Variants in UNKL observed in about 807,000 individuals in gnomAD.
UNKL encodes putative E3 ubiquitin-protein ligase UNKL.
UNKL carries 60 observed loss-of-function variants against 78.0 expected under a neutral mutation model. The observed-to-expected ratio is 0.77, with a 90% CI of 0.63 to 0.95. The LOEUF is 0.95. Ranked by LOEUF, UNKL falls within the 40% of genes least tolerant of loss-of-function variation. UNKL has a pLI of 0.00. For synonymous variants in UNKL, 608 were observed against 474.8 expected (o/e 1.28, Z -3.65); for missense variants, 1,159 against 1,045.7 (o/e 1.11, Z -1.49).
Position 1,379,607 on chromosome 16 carries a change from G to T in UNKL, c.1264+5601C>A, listed in dbSNP as rs1443985400. 6 of 985,008 alleles carry T rather than the reference G, an allele frequency of 6.1e-6. No homozygotes were observed. The African/African-American group carries it at 8.7e-5, about 14-fold the overall frequency. 61.0% of individuals were successfully genotyped at this position (985,008 alleles called of 1,614,324 possible). A position where few individuals can be genotyped will look rare whatever the true frequency, so the allele number is the denominator to read the frequency against. Reference sequence around the variant, plus strand: ...CGAGACCCGCACCTTGGCGGCGCACGGCTGCCACGCGCTGGGGCCGCCGCC... The same window carrying T: ...CGAGACCCGCACCTTGGCGGCGCACTGCTGCCACGCGCTGGGGCCGCCGCC... On this transcript the variant is annotated intron_variant, in intron 10 of 14. Coordinates refer to ENST00000389221, the MANE Select transcript of UNKL (RefSeq NM_001372107.1).
At position 1,363,212 on chromosome 16, in the gene UNKL, C is replaced by T. The variant is rs1222851954; in HGVS notation, c.*3028G>A. 1.6e-5 allele frequency: 13 copies of T among 838,032 alleles called. No individual in the cohort carries two copies. The highest frequency in any genetic ancestry group is 2.6e-5 in the Non-Finnish European group (13 of 508,998). The allele number at this position is 838,032 out of a possible 1,614,324, so 51.9% of individuals were successfully genotyped here. On this transcript the variant is annotated 3_prime_UTR_variant, in exon 15 of 15. Coordinates refer to ENST00000389221, the MANE Select transcript of UNKL (RefSeq NM_001372107.1). ...CAGAGAAGCAGACAAAACAAAGATT[C>T]AAGGTTTTAATTAATTCCCATACTG...
chr16:1,389,790 G>A (rs1272585750), intron 9 of UNKL, among the ~76,000 whole-genome samples: 13 of 152,178 alleles, frequency 8.5e-5, no homozygotes, highest in Non-Finnish European at 1.8e-4. Context: ...CCAGAACTGA[G>A]AGAGTCAAGT....
intron 6 of UNKL, 40 bp from the exon 7 acceptor site, chr16:1,394,255 G>A (rs1262087585): frequency 6.5e-7 from 1 of 1,544,630 alleles, no homozygotes; most frequent in Admixed American, 2.0e-5. Context: ...GATTGGAAAT[G>A]GGATTCTGTG....
Position 1,401,566 on chromosome 16 carries a change from A to C in UNKL, c.598+2T>G. The C allele has an allele frequency of 6.5e-7, 1 of 1,542,870 alleles. No homozygotes were observed. The highest frequency in any genetic ancestry group is 8.8e-7 in the Non-Finnish European group (1 of 1,136,834). The stretch of plus-strand genomic sequence containing the variant: ...CGCCCTCAGCTGCGGCCGTGGAGTT[A>C]CCTTGCCACCGGGGGTCCTCGCTCA... On this transcript the variant is annotated splice_donor_variant, in intron 4 of 14. Coordinates refer to ENST00000389221, the MANE Select transcript of UNKL (RefSeq NM_001372107.1). LOFTEE classifies it high-confidence loss of function.
At chr16:1,380,385 A>C (rs533331714) in intron 10 of UNKL, among the ~76,000 whole-genome samples, 22 of 152,340 alleles carry the variant, frequency 1.4e-4, no homozygotes, top group South Asian at 1.2e-3. Flanking sequence ...ACCTGGGGCC[A>C]GACAGTCCCG....
chr16:1,383,156 C>T (rs991703565), intron 10 of UNKL, among the ~76,000 whole-genome samples: 1 of 149,642 alleles, frequency 6.7e-6, no homozygotes, highest in Non-Finnish European at 1.5e-5. Context: ...CCTGTAATCC[C>T]AGCTACTCTG....
intron 9 of UNKL, among the ~76,000 whole-genome samples, chr16:1,388,560 C>T (rs1380867764): frequency 6.6e-6 from 1 of 152,160 alleles, no homozygotes; most frequent in Non-Finnish European, 1.5e-5. Context: ...CACACTGTGA[C>T]TTCAGCCCAA....
intron 5 of UNKL, chr16:1,399,000 TGAGGA>T (rs2142184591): frequency 6.8e-7 from 1 of 1,468,158 alleles, no homozygotes; most frequent in Non-Finnish European, 9.0e-7. Context: ...GCAGCTTGGG[TGAGGA>T]GACAGCATGC....
rs535790457 is a variant in UNKL at position 1,379,333 on chromosome 16, C to T, written c.1264+5875G>A. Among the ~76,000 whole-genome samples the T allele has an allele frequency of 1.7e-3, 255 of 152,194 alleles. 3 individuals carry two copies. Among genetic ancestry groups the T allele is most frequent in the African/African-American group, 5.3e-3 (220 of 41,538 alleles). On this transcript the variant is annotated intron_variant, in intron 10 of 14. Transcript: ENST00000389221. ...GCCCCGCTCCGCTCCGCTCTCCTGC[C>T]CCGCTCCCCTGCCCTCCCTCGGGGC...
chr16:1,367,440 C>A, intron 13 of UNKL, 91 bp from the exon 14 acceptor site: 2 of 1,465,288 alleles, frequency 1.4e-6, no homozygotes, highest in African/African-American at 2.8e-5. Flanking sequence ...CTCCCCTCCC[C>A]TCCCCAGCAT....
intron 10 of UNKL, among the ~76,000 whole-genome samples, chr16:1,384,385 GC>G (rs1292168979): frequency 6.6e-6 from 1 of 151,958 alleles, no homozygotes; most frequent in African/African-American, 2.4e-5. Context: ...GGAAGAATCT[GC>G]CCCCCAGGGT....
intron 2 of UNKL, among the ~76,000 whole-genome samples, chr16:1,405,070 T>C (rs2037689254): frequency 6.6e-6 from 1 of 151,934 alleles, no homozygotes; most frequent in Admixed American, 6.6e-5. Flanking sequence ...GGTGGACACC[T>C]GTGGTCCCAG....
chr16:1,405,996 C>G (rs1202471529), intron 2 of UNKL: 2 of 456,656 alleles, frequency 4.4e-6, no homozygotes, highest in Non-Finnish European at 4.4e-6. Context: ...GCCCGTGGCC[C>G]ATGTGGTCCC....
chr16:1,406,741 A>G (rs1044156788), intron 2 of UNKL, among the ~76,000 whole-genome samples: 14 of 152,166 alleles, frequency 9.2e-5, no homozygotes, highest in Non-Finnish European at 7.3e-5. Flanking sequence ...TAAACAGCAA[A>G]TTCTACACAC....
intron 5 of UNKL, chr16:1,398,463 G>C: frequency 7.0e-6 from 8 of 1,145,270 alleles, no homozygotes; most frequent in Non-Finnish European, 8.6e-6. Flanking sequence ...TCCTTTACTC[G>C]GAAGCTGCTC....
chr16:1,391,532 C>T lies in UNKL; in HGVS notation c.1024-838G>A, dbSNP rs113617992. 1.6e-3 allele frequency among the ~76,000 whole-genome samples: 251 copies of T among 152,236 alleles called. 3 individuals carry two copies. The highest frequency in any genetic ancestry group is 5.3e-3 in the African/African-American group (222 of 41,542). On this transcript the variant is annotated intron_variant, in intron 8 of 14. Coordinates refer to ENST00000389221, the MANE Select transcript of UNKL (RefSeq NM_001372107.1). ...TAGGCGGGTCTCGAACTCCTGACCT[C>T]GAGCGATTGTCCCACCTCAGCCTCC...
intron 7 of UNKL, 128 bp downstream of exon 7, chr16:1,394,003 C>G: frequency 2.2e-6 from 2 of 929,726 alleles, no homozygotes; most frequent in Non-Finnish European, 3.3e-6. Context: ...AGCCCCCAAC[C>G]ACGGTGCTGA....
chr16:1,400,683 G>C (rs181140141), intron 4 of UNKL, among the ~76,000 whole-genome samples: 2 of 151,820 alleles, frequency 1.3e-5, no homozygotes, highest in Non-Finnish European at 2.9e-5. Context: ...TTTATGTTGT[G>C]TGTATTTTAC....
chr16:1,366,794 G>C (rs1267724290), intron 14 of UNKL, among the ~76,000 whole-genome samples: 1 of 151,940 alleles, frequency 6.6e-6, no homozygotes, highest in Non-Finnish European at 1.5e-5. Flanking sequence ...CATGTGTGAG[G>C]GTCACAGCTG....
Sources: gnomAD v4.1 joint callset for allele counts (sites outside exome capture counted in the v4.1 genomes callset) on GRCh38, gnomAD v4.1.1 for gene constraint, MANE v1.5 for transcripts, NCBI Gene and HGNC (gene_info 2026-07-23, HGNC 2026-07-21) for gene names.